The following PDE7A variants were observed in gnomAD, a reference collection of about 807,000 sequenced individuals.
PDE7A encodes the protein high affinity 3',5'-cyclic-AMP phosphodiesterase 7A.
In PDE7A, 39 loss-of-function variants were observed where a neutral mutation model predicts 64.3. The observed-to-expected ratio is 0.61, with a 90% CI of 0.47 to 0.79. The LOEUF (loss-of-function observed/expected upper bound fraction) is 0.79, where lower values mean the gene tolerates loss of function less well. Ranked by LOEUF, PDE7A falls within the 30% of genes least tolerant of loss-of-function variation. The probability of loss-of-function intolerance (pLI) is 0.00; values close to 1 mark genes in which losing one functional copy is unlikely to be tolerated. For missense variants in PDE7A, 470 were observed against 582.8 expected (o/e 0.81, Z 1.99); for synonymous variants, 203 against 206.8 (o/e 0.98, Z 0.16).
chr8:65,796,980 G>A (rs552945583), intron 1 of PDE7A, among the ~76,000 whole-genome samples: 13 of 151,964 alleles, frequency 8.6e-5, no homozygotes, highest in South Asian at 8.3e-4. Flanking sequence ...AAATTAGTAC[G>A]GTCAATAGAC....
intron 6 of PDE7A, among the ~76,000 whole-genome samples, chr8:65,736,336 CA>C (rs1176179077): frequency 6.6e-6 from 1 of 152,184 alleles, no homozygotes; most frequent in Non-Finnish European, 1.5e-5. Flanking sequence ...TGGAATTTTC[CA>C]TTTAATATTT....
At chr8:65,802,922 G>A (rs1422099146) in intron 1 of PDE7A, among the ~76,000 whole-genome samples, 4 of 152,054 alleles carry the variant, frequency 2.6e-5, no homozygotes, top group Non-Finnish European at 5.9e-5. Context: ...TCATCTGGTC[G>A]TTTTAAAAGT....
intron 1 of PDE7A, among the ~76,000 whole-genome samples, chr8:65,840,398 G>GCACACA (rs746987926): frequency 2.2e-4 from 24 of 109,662 alleles, no homozygotes; most frequent in South Asian, 1.3e-3. Context: ...CACACTACCT[G>GCACACA]CACACACACA....
intron 3 of PDE7A, among the ~76,000 whole-genome samples, chr8:65,754,961 C>G (rs1808154346): frequency 6.7e-6 from 1 of 148,768 alleles, no homozygotes; most frequent in Non-Finnish European, 1.5e-5. Context: ...GAGACTCCCT[C>G]AAAAAAATAA....
intron 1 of PDE7A, among the ~76,000 whole-genome samples, chr8:65,826,645 T>C (rs967107414): frequency 2.0e-5 from 3 of 152,228 alleles, no homozygotes; most frequent in African/African-American, 7.2e-5. Flanking sequence ...GGCATGTAAG[T>C]GCTCAGTAAA....
At chr8:65,723,457 T>C (rs1806475725) in intron 12 of PDE7A, 84 bp downstream of exon 12, 2 of 1,211,124 alleles carry the variant, frequency 1.7e-6, no homozygotes, top group African/African-American at 1.6e-5. Context: ...ATAATTTTAA[T>C]ATTTTATATT....
intron 1 of PDE7A, among the ~76,000 whole-genome samples, chr8:65,801,554 C>CT (rs1186942870): frequency 6.6e-6 from 1 of 151,890 alleles, no homozygotes; most frequent in African/African-American, 2.4e-5. Flanking sequence ...CCCAGTAACT[C>CT]TTACTAACGG....
At chr8:65,777,268 G>A (rs1034955662) in intron 3 of PDE7A, among the ~76,000 whole-genome samples, 25 of 151,724 alleles carry the variant, frequency 1.6e-4, no homozygotes, top group Non-Finnish European at 2.6e-4. Flanking sequence ...TAGTAGAGAC[G>A]GGGTTTCTCT....
intron 5 of PDE7A, among the ~76,000 whole-genome samples, chr8:65,743,262 G>A (rs1322411580): frequency 4.6e-5 from 7 of 152,168 alleles, no homozygotes; most frequent in Non-Finnish European, 8.8e-5. Flanking sequence ...AGAAGAAGGT[G>A]GGCCACTTGA....
At chr8:65,786,898 A>G (rs1209511984) in intron 1 of PDE7A, among the ~76,000 whole-genome samples, 1 of 152,230 alleles carries the variant, frequency 6.6e-6, no homozygotes, top group Non-Finnish European at 1.5e-5. Flanking sequence ...GTTAAACTGT[A>G]AAGCACCAAA....
chr8:65,776,641 C>A (rs1348285869), intron 3 of PDE7A, among the ~76,000 whole-genome samples: 2 of 152,248 alleles, frequency 1.3e-5, no homozygotes, highest in Non-Finnish European at 1.5e-5. Context: ...TTTATCCCTA[C>A]ATATTTGATG....
At chr8:65,841,287 G>C in intron 1 of PDE7A, 84 bp downstream of exon 1, 2 of 1,360,840 alleles carry the variant, frequency 1.5e-6, no homozygotes, top group Non-Finnish European at 1.9e-6. Context: ...CGCGGGCTGG[G>C]GGTTGTAGAG....
At chr8:65,807,205 C>T (rs1193058678) in intron 1 of PDE7A, among the ~76,000 whole-genome samples, 4 of 152,190 alleles carry the variant, frequency 2.6e-5, no homozygotes, top group Non-Finnish European at 5.9e-5. Context: ...TCTTCAATTT[C>T]TTTCAACATT....
chr8:65,828,571 A>T (rs761407017), intron 1 of PDE7A, among the ~76,000 whole-genome samples: 1 of 152,162 alleles, frequency 6.6e-6, no homozygotes, highest in Admixed American at 6.5e-5. Context: ...CATATATCTT[A>T]GCAAAGTTTT....
intron 1 of PDE7A, among the ~76,000 whole-genome samples, chr8:65,823,468 C>CT (rs1246490446): frequency 6.6e-6 from 1 of 152,118 alleles, no homozygotes; most frequent in Non-Finnish European, 1.5e-5. Context: ...ACTAATCTGT[C>CT]TAAATGGGTC....
intron 4 of PDE7A, among the ~76,000 whole-genome samples, chr8:65,747,399 T>A (rs1440803684): frequency 6.6e-6 from 1 of 152,184 alleles, no homozygotes; most frequent in East Asian, 1.9e-4. Flanking sequence ...GTTTTATTGA[T>A]CTCCTTGTTA....
At chr8:65,792,427 T>G (rs1188241126) in intron 1 of PDE7A, among the ~76,000 whole-genome samples, 1 of 152,222 alleles carries the variant, frequency 6.6e-6, no homozygotes, top group Admixed American at 6.5e-5. Context: ...AGAGAAAATT[T>G]TATCCCTGGG....
intron 3 of PDE7A, among the ~76,000 whole-genome samples, chr8:65,768,508 C>T (rs181687827): frequency 1.2e-3 from 178 of 152,250 alleles, no homozygotes; most frequent in Non-Finnish European, 2.1e-3. Context: ...TCACCTTCGG[C>T]CGTAATTGTG....
At chr8:65,762,994 T>C (rs1450020204) in intron 3 of PDE7A, among the ~76,000 whole-genome samples, 1 of 21,076 alleles carries the variant, frequency 4.7e-5, no homozygotes, top group Admixed American at 4.0e-4. Flanking sequence ...AAAAACAATG[T>C]GTGTGTGTGT....
Sources: gnomAD v4.1 joint callset for allele counts (sites outside exome capture counted in the v4.1 genomes callset) on GRCh38, gnomAD v4.1.1 for gene constraint, MANE v1.5 for transcripts, NCBI Gene and HGNC (gene_info 2026-07-23, HGNC 2026-07-21) for gene names.